EPC2: variants seen among roughly 807,000 people sequenced by gnomAD.
EPC2 encodes enhancer of polycomb 2.
A neutral mutation model predicts 92.1 loss-of-function variants in EPC2; 14 were observed. That is an observed-to-expected ratio of 0.15 (90% CI 0.10 to 0.24). EPC2 has a LOEUF of 0.24. EPC2 is among the 10% of genes least tolerant of loss of function. The pLI, the probability that EPC2 is intolerant of heterozygous loss-of-function variation, is 1.00. For synonymous variants in EPC2, 340 were observed against 334.7 expected (o/e 1.02, Z -0.17); for missense variants, 755 against 971.5 (o/e 0.78, Z 2.96).
intron 3 of EPC2, among the ~76,000 whole-genome samples, chr2:148,748,994 C>T (rs1683038479): frequency 6.6e-6 from 1 of 152,164 alleles, no homozygotes; most frequent in South Asian, 2.1e-4. Context: ...TTGGCTTCCA[C>T]TGTCTATAAA....
intron 2 of EPC2, among the ~76,000 whole-genome samples, chr2:148,723,897 T>C (rs1327303668): frequency 6.6e-6 from 1 of 152,128 alleles, no homozygotes; most frequent in Non-Finnish European, 1.5e-5. Flanking sequence ...GTTTTTTTAA[T>C]TCTTAGAGTT....
At chr2:148,662,929 A>G (rs1379443743) in intron 1 of EPC2, among the ~76,000 whole-genome samples, 1 of 151,964 alleles carries the variant, frequency 6.6e-6, no homozygotes, top group Non-Finnish European at 1.5e-5. Flanking sequence ...CAAAGCTTCT[A>G]ATTTTATTTT....
chr2:148,713,923 G>A (rs1258322883), intron 2 of EPC2, among the ~76,000 whole-genome samples: 1 of 152,116 alleles, frequency 6.6e-6, no homozygotes, highest in African/African-American at 2.4e-5. Flanking sequence ...TGATTGAGGG[G>A]TACATGTGCA....
intron 13 of EPC2, 50 bp downstream of exon 13, chr2:148,785,051 G>A (rs1453451144): frequency 2.1e-6 from 3 of 1,422,538 alleles, no homozygotes; most frequent in East Asian, 2.6e-5. Flanking sequence ...TGGCTGTCCT[G>A]TGGGAAGAAA....
At chr2:148,745,419 C>T (rs1048805020) in intron 3 of EPC2, among the ~76,000 whole-genome samples, 9 of 152,170 alleles carry the variant, frequency 5.9e-5, no homozygotes, top group African/African-American at 2.2e-4. Context: ...CAGGTGATAG[C>T]AGTGAGTAAG....
intron 1 of EPC2, among the ~76,000 whole-genome samples, chr2:148,657,743 T>C (rs1471258605): frequency 6.6e-6 from 1 of 152,154 alleles, no homozygotes; most frequent in East Asian, 1.9e-4. Flanking sequence ...AGAATTGATT[T>C]GTCTAGGTAG....
chr2:148,725,668 C>T (rs1028897592), intron 2 of EPC2, among the ~76,000 whole-genome samples: 3 of 152,124 alleles, frequency 2.0e-5, no homozygotes, highest in Non-Finnish European at 4.4e-5. Context: ...CTTCAGTCTA[C>T]TGCTGAGTCT....
chr2:148,717,579 T>C (rs571592402), intron 2 of EPC2, among the ~76,000 whole-genome samples: 11 of 152,328 alleles, frequency 7.2e-5, no homozygotes, highest in African/African-American at 2.4e-4. Flanking sequence ...TAATCTTGAG[T>C]TCTAATTTGG....
In EPC2 at chr2:148,779,621, T is replaced by TA. The variant is rs113038331; in HGVS notation, c.1721-2022dup. Among the ~76,000 whole-genome samples, 79 of 152,332 alleles carry TA rather than the reference T, an allele frequency of 5.2e-4. 1 individual carries two copies. Among genetic ancestry groups the TA allele is most frequent in the African/African-American group, 1.9e-3 (78 of 41,580 alleles). On this transcript the variant is annotated intron_variant, in intron 10 of 13. Transcript: ENST00000258484. Reference sequence around the variant, plus strand: ...CTTCTACTAATTTAGATATATACTTTATTCTGAATTAGTAAGATTTTATCA... The same window carrying TA: ...CTTCTACTAATTTAGATATATACTTTAATTCTGAATTAGTAAGATTTTATCA...
rs553506505 is a variant in EPC2, at chr2:148,759,931, C to T, written c.667-1851C>T. Reference sequence around the variant, plus strand: ...AGACTGGGGAAAGGAAAGTTAGGAACGATAATTATTTGGGCATAAAGAGAA... The same window carrying T: ...AGACTGGGGAAAGGAAAGTTAGGAATGATAATTATTTGGGCATAAAGAGAA... On this transcript the variant is annotated intron_variant, in intron 4 of 13. Coordinates refer to ENST00000258484, the MANE Select transcript of EPC2 (RefSeq NM_015630.4). Among the ~76,000 whole-genome samples, 168 of 152,012 alleles carry T rather than the reference C, an allele frequency of 1.1e-3. 1 individual carries two copies. Among genetic ancestry groups the T allele is most frequent in the Non-Finnish European group, 1.6e-3 (108 of 67,970 alleles).
At chr2:148,665,959 T>C (rs904176050) in intron 1 of EPC2, among the ~76,000 whole-genome samples, 2 of 152,186 alleles carry the variant, frequency 1.3e-5, no homozygotes, top group Non-Finnish European at 2.9e-5. Context: ...ATGCGACTGC[T>C]TATTTTATTG....
intron 13 of EPC2, among the ~76,000 whole-genome samples, chr2:148,785,843 G>T (rs1370362819): frequency 6.6e-6 from 1 of 152,052 alleles, no homozygotes; most frequent in Non-Finnish European, 1.5e-5. Flanking sequence ...GGAGAACAAT[G>T]AATCAGAAAA....
Position 148,769,136 on chromosome 2 carries a change from G to T in EPC2, c.1141-15G>T. 1 of 1,569,964 alleles carries T rather than the reference G, an allele frequency of 6.4e-7. No homozygotes were observed. The highest frequency in any genetic ancestry group is 8.7e-7 in the Non-Finnish European group (1 of 1,142,900). Reference sequence around the variant, plus strand: ...ACTTTTGATAACTTCTAAATGGAATGCCTCTTTTGTCTAGGTATTGTCCCC... The same window carrying T: ...ACTTTTGATAACTTCTAAATGGAATTCCTCTTTTGTCTAGGTATTGTCCCC... On this transcript the variant is annotated splice_polypyrimidine_tract_variant and intron_variant, in intron 7 of 13. Transcript: ENST00000258484.
intron 1 of EPC2, among the ~76,000 whole-genome samples, chr2:148,689,053 AT>A (rs568047983): frequency 1.3e-3 from 192 of 152,324 alleles, no homozygotes; most frequent in Non-Finnish European, 2.1e-3. Flanking sequence ...ACTGGAAGCA[AT>A]TTTGAAAGCA....
chr2:148,717,053 GT>G (rs1453876032), intron 2 of EPC2, among the ~76,000 whole-genome samples: 1 of 151,854 alleles, frequency 6.6e-6, no homozygotes, highest in Non-Finnish European at 1.5e-5. Flanking sequence ...TTCTCTGATG[GT>G]TTGTATTTCT....
chr2:148,744,826 T>A (rs2105408636), intron 3 of EPC2, among the ~76,000 whole-genome samples: 1 of 152,166 alleles, frequency 6.6e-6, no homozygotes, highest in South Asian at 2.1e-4. Context: ...GAGTTGCAAA[T>A]AAACTTTTTA....
At chr2:148,691,829 T>C (rs1238475737) in intron 2 of EPC2, 3 of 661,900 alleles carry the variant, frequency 4.5e-6, no homozygotes, top group Admixed American at 4.1e-5. Context: ...GCATGGCTAA[T>C]TTATTTCTTT....
intron 1 of EPC2, among the ~76,000 whole-genome samples, chr2:148,668,734 T>C (rs895371881): frequency 2.0e-4 from 31 of 152,218 alleles, no homozygotes; most frequent in Admixed American, 2.0e-3. Flanking sequence ...TGGAGTGATA[T>C]TACCTCTTGT....
intron 8 of EPC2, 67 bp from the exon 9 acceptor site, chr2:148,770,725 T>C (rs1683499804): frequency 6.1e-6 from 9 of 1,485,642 alleles, no homozygotes; most frequent in Non-Finnish European, 7.2e-6. Flanking sequence ...TTTATCATGA[T>C]CTAACCTGTC....
Sources: gnomAD v4.1 joint callset for allele counts (sites outside exome capture counted in the v4.1 genomes callset) on GRCh38, gnomAD v4.1.1 for gene constraint, MANE v1.5 for transcripts, NCBI Gene and HGNC (gene_info 2026-07-23, HGNC 2026-07-21) for gene names.